The following THAP12 variants were observed in gnomAD, a reference collection of about 807,000 sequenced individuals.
The protein encoded by THAP12 is 52 kDa repressor of the inhibitor of the protein kinase.
A neutral mutation model predicts 63.0 loss-of-function variants in THAP12; 20 were observed. The observed-to-expected ratio is 0.32, with a 90% CI of 0.22 to 0.46. The LOEUF (loss-of-function observed/expected upper bound fraction) is 0.46. Ranked by LOEUF, THAP12 falls within the 20% of genes least tolerant of loss-of-function variation. The pLI, the probability that THAP12 is intolerant of heterozygous loss-of-function variation, is 1.00. For synonymous variants in THAP12, 264 were observed against 328.4 expected, an observed-to-expected ratio of 0.80 and a Z score of 2.12; for missense variants, 568 against 908.2, an observed-to-expected ratio of 0.63 and a Z score of 4.81.
In THAP12 at chr11:76,372,589, TAA is replaced by T. The variant is rs57050881; in HGVS notation, c.90-6619_90-6618del. On this transcript the variant is annotated intron_variant, in intron 1 of 4. Coordinates refer to ENST00000260045, the MANE Select transcript of THAP12 (RefSeq NM_004705.4). ...TATGCCCAGTCAGAACTGTTACATT[TAA>T]AAAAAAAAAAAAAAAAGGGACCGGG... 9.0e-3 allele frequency among the ~76,000 whole-genome samples: 1,054 copies of T among 116,618 alleles called. 16 individuals are homozygous for T. Among genetic ancestry groups the T allele is most frequent in the African/African-American group, 0.03 (943 of 31,882 alleles). The allele number at this position is 116,618 out of a possible 152,430, so 76.5% of individuals were successfully genotyped here.
At position 76,369,859 on chromosome 11, in the gene THAP12, A is replaced by G. The variant is rs191027300; in HGVS notation, c.90-3887T>C. On this transcript the variant is annotated intron_variant, in intron 1 of 4. Transcript: ENST00000260045. ...AGACGGAGCATAGGGAAGCCTATAC[A>G]TGGATTCCTTCAGACTGTGCCTGTC... Among the ~76,000 whole-genome samples, 215 of 152,362 alleles carry G rather than the reference A, an allele frequency of 1.4e-3. 1 individual carries two copies. Among genetic ancestry groups the G allele is most frequent in the Middle Eastern group, 6.8e-3 (2 of 294 alleles).
At chr11:76,380,114 G>A (rs1309675251) in intron 1 of THAP12, among the ~76,000 whole-genome samples, 1 of 152,130 alleles carries the variant, frequency 6.6e-6, no homozygotes, top group African/African-American at 2.4e-5. Context: ...CAGTGTGTGG[G>A]GGTTATCCGA....
chr11:76,367,664 C>G (rs1329158386), intron 1 of THAP12, among the ~76,000 whole-genome samples: 2 of 152,010 alleles, frequency 1.3e-5, no homozygotes, highest in Non-Finnish European at 2.9e-5. Flanking sequence ...CGCAGGTGAT[C>G]TGCCCACCTT....
At position 76,380,777 on chromosome 11, in the gene THAP12, G is replaced by A. The variant is rs1166339011; in HGVS notation, c.60C>T (p.Ala20=). The part of the protein sequence containing the change: ...CTRKSTQSDL[A]FFRFPRDPAR... ...CAGGGTCCCGCGGGAACCTGAAGAA[G>A]GCCAAGTCGGACTGCGTGCTCTTCC... Residue 20 remains alanine (A), a synonymous_variant, in exon 1 of 5, where the codon GCC becomes GCT. Coordinates refer to ENST00000260045, the MANE Select transcript of THAP12 (RefSeq NM_004705.4). 2 of 1,468,480 alleles carry A rather than the reference G, an allele frequency of 1.4e-6. No homozygotes were observed. The highest frequency in any genetic ancestry group is 1.8e-6 in the Non-Finnish European group (2 of 1,104,884). The allele number at this position is 1,468,480 out of a possible 1,614,324, so 91.0% of individuals were successfully genotyped here.
At chr11:76,371,233 T>A (rs12577885) in intron 1 of THAP12, among the ~76,000 whole-genome samples, 1 of 152,194 alleles carries the variant, frequency 6.6e-6, no homozygotes, top group Non-Finnish European at 1.5e-5. Flanking sequence ...CTTAAGCTTT[T>A]AGTGGCTTCT....
intron 1 of THAP12, among the ~76,000 whole-genome samples, chr11:76,376,251 C>A (rs1316592468): frequency 4.6e-5 from 7 of 152,170 alleles, no homozygotes; most frequent in Admixed American, 3.9e-4. Context: ...TACCCCAAAT[C>A]GTACACTTTA....
At position 76,351,147 on chromosome 11, in the gene THAP12, A is replaced by T; in HGVS notation, c.2003T>A (p.Leu668Gln). The T allele has an allele frequency of 1.2e-6, 2 of 1,606,342 alleles. No individual in the cohort carries two copies. The highest frequency in any genetic ancestry group is 1.7e-6 in the Non-Finnish European group (2 of 1,176,546). The change falls in exon 5 of 5, where the codon CTG (leucine) becomes CAG (glutamine). Residue 668 changes from leucine to glutamine, a missense_variant. By Grantham distance (113) the Leu-to-Gln change is moderately radical (BLOSUM62 -2). Transcript: ENST00000260045. ...LPSTIYEALH[L>Q]PDIKFFPNVY... is the part of the protein sequence containing the mutation. Reference sequence around the variant, plus strand: ...ATTAGGAAAAAACTTGATGTCAGGCAGGTGGAGGGCTTCATAGATGGTGGA... The same window carrying T: ...ATTAGGAAAAAACTTGATGTCAGGCTGGTGGAGGGCTTCATAGATGGTGGA...
chr11:76,355,547 T>TA lies in THAP12; in HGVS notation c.355+70dup, dbSNP rs1590799795. On this transcript the variant is annotated intron_variant, in intron 4 of 4. Coordinates refer to ENST00000260045, the MANE Select transcript of THAP12 (RefSeq NM_004705.4). Reference sequence around the variant, plus strand: ...GTAGGTTTTCAACACAGAACATATTTATTTGTCCTTACCAGGTCAAGGCCT... The same window carrying TA: ...GTAGGTTTTCAACACAGAACATATTTAATTTGTCCTTACCAGGTCAAGGCCT... The TA allele has an allele frequency of 2.9e-6, 4 of 1,362,382 alleles. No individual in the cohort carries two copies. The East Asian group carries it at 9.4e-5, about 32-fold the overall frequency. 84.4% of individuals were successfully genotyped at this position (1,362,382 alleles called of 1,614,324 possible). A position where few individuals can be genotyped will look rare whatever the true frequency, so the allele number is the denominator to read the frequency against.
Position 76,350,872 on chromosome 11 carries a change from T to C in THAP12, c.2278A>G (p.Asn760Asp). 2 of 1,527,690 alleles carry C rather than the reference T, an allele frequency of 1.3e-6. No individual in the cohort carries two copies. The highest frequency in any genetic ancestry group is 1.4e-5 in the African/African-American group (1 of 71,976). 94.6% of individuals were successfully genotyped at this position (1,527,690 alleles called of 1,614,324 possible). A position where few individuals can be genotyped will look rare whatever the true frequency, so the allele number is the denominator to read the frequency against. ...LPTDNSETVE[N>D]T ...CTATTTTTAAAAGTCTCTTAGGTAT[T>C]TTCCACAGTTTCGGAATTATCTGTA... The change falls in exon 5 of 5, where the codon AAT (asparagine) becomes GAT (aspartate). Residue 760 changes from asparagine (N) to aspartate (D), a missense_variant. Asn to Asp is a conservative substitution (Grantham distance 23, BLOSUM62 1). Coordinates refer to ENST00000260045, the MANE Select transcript of THAP12 (RefSeq NM_004705.4).
chr11:76,355,466 T>C (rs1400880663), intron 4 of THAP12, 152 bp downstream of exon 4: 14 of 659,838 alleles, frequency 2.1e-5, no homozygotes, highest in South Asian at 1.7e-4. Flanking sequence ...TTTAGTCTCA[T>C]AGATAATTCC....
intron 1 of THAP12, among the ~76,000 whole-genome samples, chr11:76,377,768 T>C (rs1946721638): frequency 6.6e-6 from 1 of 152,250 alleles, no homozygotes; most frequent in South Asian, 2.1e-4. Flanking sequence ...GGAATGGAAT[T>C]GCTGGGACAC....
rs549224547 is a variant in THAP12, at chr11:76,370,972, C to T, written c.90-5000G>A. On this transcript the variant is annotated intron_variant, in intron 1 of 4. Transcript: ENST00000260045. ...CGTCTCAAATTTTTACCAATGCCTC[C>T]CCTTTCCCAGCTCTCCCTGTCATTG... Among the ~76,000 whole-genome samples the T allele has an allele frequency of 5.9e-5, 9 of 152,026 alleles. No individual in the cohort carries two copies. The East Asian group carries it at 1.5e-3, about 26-fold the overall frequency.
At chr11:76,372,467 TG>T (rs1946681514) in intron 1 of THAP12, among the ~76,000 whole-genome samples, 1 of 150,456 alleles carries the variant, frequency 6.6e-6, no homozygotes. Flanking sequence ...TGTAGCACAC[TG>T]GTGCAATCAT....
chr11:76,361,025 T>A lies in THAP12; in HGVS notation c.249A>T (p.Pro83=). The A allele has an allele frequency of 6.2e-7, 1 of 1,611,158 alleles. No homozygotes were observed. The change falls in exon 3 of 5, where the codon CCA becomes CCT. Residue 83 remains proline (P), a synonymous_variant. Transcript: ENST00000260045. ...YRTVLRDNAI[P]TIFDLTSHLN... is the part of the protein sequence containing the mutation. Reference sequence around the variant, plus strand: ...AATGACTGGTAAGATCAAATATTGTTGGTATTGCATTATCTCGAAGAACTG... The same window carrying A: ...AATGACTGGTAAGATCAAATATTGTAGGTATTGCATTATCTCGAAGAACTG...
intron 4 of THAP12, among the ~76,000 whole-genome samples, chr11:76,354,001 TC>T (rs1946544361): frequency 6.6e-6 from 1 of 152,180 alleles, no homozygotes; most frequent in Admixed American, 6.5e-5. Context: ...AGAGTGAGAC[TC>T]CGTCTCAAAA....
intron 3 of THAP12, among the ~76,000 whole-genome samples, chr11:76,360,307 T>C (rs868255497): frequency 1.3e-5 from 2 of 151,948 alleles, no homozygotes; most frequent in African/African-American, 4.8e-5. Context: ...GTAATGGTAA[T>C]AGTGGGTGAA....
intron 3 of THAP12, chr11:76,356,785 G>C (rs906767204): frequency 6.6e-6 from 1 of 152,134 alleles, no homozygotes; most frequent in African/African-American, 2.4e-5. Context: ...GCTCACGTCT[G>C]TAATCCCAGC....
intron 1 of THAP12, among the ~76,000 whole-genome samples, chr11:76,376,374 C>G (rs1471033678): frequency 4.6e-5 from 7 of 152,138 alleles, no homozygotes; most frequent in Non-Finnish European, 8.8e-5. Flanking sequence ...GCAGAGACTT[C>G]GTGTGATCCT....
rs1333979114 is a variant in THAP12 at position 76,380,944 on chromosome 11, C to G, written c.-108G>C. The G allele has an allele frequency of 1.7e-6, 1 of 572,082 alleles. No individual in the cohort carries two copies. The highest frequency in any genetic ancestry group is 2.5e-6 in the Non-Finnish European group (1 of 404,798). The allele number at this position is 572,082 out of a possible 1,614,324, so 35.4% of individuals were successfully genotyped here. On this transcript the variant is annotated 5_prime_UTR_variant, in exon 1 of 5. Transcript: ENST00000260045. ...GAGCCAGGCCGGCCGGCCGGCTCGG[C>G]AGGGCCGACGCGCGGGGGAGGGGCG...
Sources: allele counts gnomAD v4.1 joint callset (sites outside exome capture counted in the v4.1 genomes callset), GRCh38; gene constraint gnomAD v4.1.1; transcripts MANE v1.5; gene names NCBI Gene and HGNC (gene_info 2026-07-23, HGNC 2026-07-21).